The following RANBP2 variants were observed in gnomAD, a reference collection of about 807,000 sequenced individuals.
RANBP2 encodes RAN binding protein 2, also known as E3 SUMO-protein ligase RanBP2.
Under a neutral mutation model 303.6 loss-of-function variants are expected in RANBP2, and 57 were observed. The ratio of observed to expected loss-of-function variants is 0.19; its 90% CI spans 0.15 to 0.23. The LOEUF (loss-of-function observed/expected upper bound fraction) is 0.23. RANBP2 is among the 10% of genes least tolerant of loss of function. RANBP2 has a pLI of 1.00. For synonymous variants in RANBP2, 1,167 were observed against 1,301.5 expected, an observed-to-expected ratio of 0.90 and a Z score of 2.23; for missense variants, 3,138 against 3,780.8, an observed-to-expected ratio of 0.83 and a Z score of 4.46.
the RANBP2 span, among the ~76,000 whole-genome samples, chr2:109,596,138 C>G: frequency 6.6e-6 from 1 of 152,116 alleles, no homozygotes; most frequent in Non-Finnish European, 1.5e-5. Flanking sequence ...CTCAGGCGAT[C>G]CTCCCACCTC....
the RANBP2 span, among the ~76,000 whole-genome samples, chr2:108,796,505 C>G: frequency 1.3e-5 from 2 of 152,130 alleles, no homozygotes; most frequent in African/African-American, 2.4e-5. Flanking sequence ...AAGAAAACGG[C>G]GTATCGAAGA....
At chr2:109,009,727 C>G in the RANBP2 span, among the ~76,000 whole-genome samples, 1 of 96,040 alleles carries the variant, frequency 1.0e-5, no homozygotes, top group African/African-American at 5.7e-5. Context: ...TTTTTTTTTG[C>G]AGGGACAAGG....
Position 108,763,671 on chromosome 2 carries a change from C to T in RANBP2, c.3132C>T (p.Phe1044=). 1 of 1,614,094 alleles carries T rather than the reference C, an allele frequency of 6.2e-7. No homozygotes were observed. The highest frequency in any genetic ancestry group is 2.2e-5 in the East Asian group (1 of 44,880). ...ATTTCAAATCAAATGATGGTGACTTCACGTTTTCCTCACCACAGGTTGTGA... is the reference window on the plus strand; with the variant it reads ...ATTTCAAATCAAATGATGGTGACTTTACGTTTTCCTCACCACAGGTTGTGA... ...NSNFKSNDGD[F]TFSSPQVVTQ... Residue 1044 remains phenylalanine, a synonymous_variant, in exon 20 of 29, where the codon TTC becomes TTT. Transcript: ENST00000283195.
At chr2:109,333,266 G>A in the RANBP2 span, among the ~76,000 whole-genome samples, 1 of 152,214 alleles carries the variant, frequency 6.6e-6, no homozygotes, top group East Asian at 1.9e-4. Context: ...AGGGTGATTA[G>A]TTTCGCCTTT....
the RANBP2 span, among the ~76,000 whole-genome samples, chr2:109,136,359 G>A: frequency 6.6e-6 from 1 of 152,106 alleles, no homozygotes; most frequent in Admixed American, 6.5e-5. Context: ...AATGTGAAAT[G>A]CATGCTTGAT....
chr2:108,879,090 ATTGGC>A, the RANBP2 span, among the ~76,000 whole-genome samples: 1 of 152,346 alleles, frequency 6.6e-6, no homozygotes, highest in East Asian at 1.9e-4. Context: ...AAAGATCAAA[ATTGGC>A]TTAAGAAATC....
At chr2:109,565,399 G>A in the RANBP2 span, among the ~76,000 whole-genome samples, 1 of 152,230 alleles carries the variant, frequency 6.6e-6, no homozygotes, top group East Asian at 1.9e-4. Context: ...GAAATAGCCG[G>A]CAATACTTTG....
chr2:109,490,666 G>A, the RANBP2 span: 15 of 1,514,924 alleles, frequency 9.9e-6, no homozygotes, highest in South Asian at 8.5e-5. Flanking sequence ...AAGAAGTCAC[G>A]CTCCCCGCCA....
At chr2:109,581,203 G>T in the RANBP2 span, among the ~76,000 whole-genome samples, 1 of 152,146 alleles carries the variant, frequency 6.6e-6, no homozygotes, top group South Asian at 2.1e-4. Flanking sequence ...ACTTTGGGAG[G>T]CTGAGGTGGG....
At chr2:109,147,474 C>T in the RANBP2 span, among the ~76,000 whole-genome samples, 1 of 152,174 alleles carries the variant, frequency 6.6e-6, no homozygotes, top group Non-Finnish European at 1.5e-5. Context: ...AATTTTCCAT[C>T]TACCACTTGG....
At chr2:109,206,354 G>C in the RANBP2 span, among the ~76,000 whole-genome samples, 1 of 151,934 alleles carries the variant, frequency 6.6e-6, no homozygotes, top group Non-Finnish European at 1.5e-5. Flanking sequence ...TGCCGGGCTT[G>C]GTGGAGGGCA....
rs201085939 is a variant in RANBP2 at position 108,764,773 on chromosome 2, A to G, written c.4234A>G (p.Thr1412Ala). The change falls in exon 20 of 29, where the codon ACT (threonine) becomes GCT (alanine). Residue 1412 changes from threonine to alanine, a missense_variant. Thr to Ala is a moderately conservative substitution (Grantham distance 58). Around this residue, in one of 20 missense-constraint regions of RANBP2, gnomAD observed 388 missense variants for 328.5 expected, o/e 1.18. Transcript: ENST00000283195. ...ENVQDRFALV[T>A]PKKEGHWDCS... ...TGTTCAAGATCGATTTGCATTGGTG[A>G]CTCCAAAGAAAGAAGGTCACTGGGA... 7.4e-5 allele frequency: 120 copies of G among 1,614,022 alleles called. No homozygotes were observed. Among genetic ancestry groups the G allele is most frequent in the Middle Eastern group, 1.6e-4 (1 of 6,062 alleles).
At chr2:109,175,455 G>A in the RANBP2 span, among the ~76,000 whole-genome samples, 2 of 152,178 alleles carry the variant, frequency 1.3e-5, no homozygotes, top group African/African-American at 4.8e-5. Flanking sequence ...GAAGCTTCAC[G>A]AGTTGGCAGG....
At chr2:109,181,684 G>C in the RANBP2 span, among the ~76,000 whole-genome samples, 1 of 152,174 alleles carries the variant, frequency 6.6e-6, no homozygotes, top group South Asian at 2.1e-4. Flanking sequence ...CCGGCCACAG[G>C]GGGTTCCTAT....
the RANBP2 span, among the ~76,000 whole-genome samples, chr2:109,656,790 A>G: frequency 5.3e-5 from 8 of 152,252 alleles, no homozygotes; most frequent in African/African-American, 1.4e-4. Context: ...AGTTTTCTTC[A>G]ACTAAAACAT....
the RANBP2 span, among the ~76,000 whole-genome samples, chr2:109,656,745 C>A: frequency 6.6e-6 from 1 of 152,162 alleles, no homozygotes; most frequent in African/African-American, 2.4e-5. Flanking sequence ...ATTAATTTGC[C>A]CTTTGGCGTT....
the RANBP2 span, among the ~76,000 whole-genome samples, chr2:109,648,122 G>A: frequency 6.6e-6 from 1 of 152,216 alleles, no homozygotes; most frequent in Admixed American, 6.5e-5. Context: ...AGCATGAGAG[G>A]CACAGCCCCG....
At chr2:109,136,055 A>G in the RANBP2 span, among the ~76,000 whole-genome samples, 1 of 152,134 alleles carries the variant, frequency 6.6e-6, no homozygotes, top group African/African-American at 2.4e-5. Flanking sequence ...GATGGAGCTG[A>G]GCAGAATTCT....
At chr2:109,562,405 T>C in the RANBP2 span, among the ~76,000 whole-genome samples, 1 of 148,848 alleles carries the variant, frequency 6.7e-6, no homozygotes, top group African/African-American at 2.5e-5. Flanking sequence ...CACATAGGGG[T>C]CCTCCTCCCA....
Sources: allele counts gnomAD v4.1 joint callset (sites outside exome capture counted in the v4.1 genomes callset), GRCh38; gene constraint gnomAD v4.1.1; regional missense constraint gnomAD v4.1.1; transcripts MANE v1.5; gene names NCBI Gene and HGNC (gene_info 2026-07-23, HGNC 2026-07-21).